Variants in TIAM1 observed in about 807,000 individuals in gnomAD.
TIAM1 encodes the protein TIAM Rac1 associated GEF 1, also known as rho guanine nucleotide exchange factor TIAM1.
In TIAM1, 65 loss-of-function variants were observed where a neutral mutation model predicts 163.5. That is an observed-to-expected ratio of 0.40 (90% CI 0.33 to 0.49). The LOEUF (loss-of-function observed/expected upper bound fraction) is 0.49. TIAM1 is among the 20% of genes least tolerant of loss of function. The pLI, the probability that TIAM1 is intolerant of heterozygous loss-of-function variation, is 0.77. For missense variants in TIAM1, 1,789 were observed against 2,044.7 expected (o/e 0.87, Z 2.41); for synonymous variants, 833 against 810.1 (o/e 1.03, Z -0.48).
intron 26 of TIAM1, among the ~76,000 whole-genome samples, chr21:31,125,891 A>G (rs1046081441): frequency 1.3e-5 from 2 of 152,218 alleles, no homozygotes; most frequent in African/African-American, 4.8e-5. Context: ...TTCATTCTCT[A>G]TAAGGCCTTA....
chr21:31,125,780 G>T (rs1292478662), intron 26 of TIAM1, among the ~76,000 whole-genome samples: 1 of 152,144 alleles, frequency 6.6e-6, no homozygotes, highest in East Asian at 1.9e-4. Context: ...TTGCCATGTT[G>T]GCCAGGCTGG....
At chr21:31,185,642 TA>T (rs1009050817) in intron 14 of TIAM1, among the ~76,000 whole-genome samples, 5 of 145,814 alleles carry the variant, frequency 3.4e-5, no homozygotes, top group Non-Finnish European at 6.0e-5. Flanking sequence ...CATTATATGA[TA>T]ATTATATTAT....
intron 2 of TIAM1, among the ~76,000 whole-genome samples, chr21:31,304,448 A>C (rs1266874254): frequency 6.6e-6 from 1 of 152,190 alleles, no homozygotes; most frequent in Non-Finnish European, 1.5e-5. Context: ...CTATCAGGAA[A>C]AGCTGCTTTT....
chr21:31,305,342 GC>G (rs1427202202), intron 2 of TIAM1, among the ~76,000 whole-genome samples: 1 of 151,906 alleles, frequency 6.6e-6, no homozygotes, highest in Non-Finnish European at 1.5e-5. Flanking sequence ...GGCCAAAAAG[GC>G]TGGATCTCAG....
chr21:31,407,695 G>A (rs1602205667), intron 2 of TIAM1, among the ~76,000 whole-genome samples: 1 of 145,340 alleles, frequency 6.9e-6, no homozygotes, highest in South Asian at 2.2e-4. Flanking sequence ...GAGTGCAGTG[G>A]TGCAATCTTG....
chr21:31,391,902 G>A (rs1328105088), intron 2 of TIAM1, among the ~76,000 whole-genome samples: 1 of 152,140 alleles, frequency 6.6e-6, no homozygotes, highest in South Asian at 2.1e-4. Flanking sequence ...TGGCACAAAA[G>A]CAATAAGCAT....
Position 31,266,363 on chromosome 21 carries a change from C to T in TIAM1, c.610G>A (p.Glu204Lys), listed in dbSNP as rs113219144. 2,368 of 1,614,240 alleles carry T rather than the reference C, an allele frequency of 1.5e-3. 4 individuals carry two copies. Among genetic ancestry groups the T allele is most frequent in the Non-Finnish European group, 1.8e-3 (2,137 of 1,180,052 alleles). The change falls in exon 4 of 28, where the codon GAA (glutamate) becomes AAA (lysine). Residue 204 changes from glutamate (E) to lysine (K), a missense_variant. Physicochemically the swap from Glu to Lys is moderately conservative, Grantham distance 56 (BLOSUM62 1). This residue lies in a region of TIAM1 where 555 missense variants were observed against 564.9 expected (regional missense o/e 0.98). Transcript: ENST00000541036. ...CGAGCCTCCTCGCAGTCCTTCTCTT[C>T]GGCGGAACCCAAGATTTCTTCGTTG... ...TSNEEILGSA[E>K]EKDCEEARGM...
chr21:31,285,427 C>T (rs2073765777), intron 2 of TIAM1, among the ~76,000 whole-genome samples: 1 of 152,184 alleles, frequency 6.6e-6, no homozygotes, highest in South Asian at 2.1e-4. Context: ...CCTTGTTGTC[C>T]CTGGATGCTT....
chr21:31,212,638 A>C, intron 10 of TIAM1: 1 of 120,162 alleles, frequency 8.3e-6, no homozygotes, highest in South Asian at 2.9e-4. Flanking sequence ...TTTGAGAGAG[A>C]GTCTTGCTCG....
chr21:31,130,001 A>C (rs1488692500), intron 25 of TIAM1, among the ~76,000 whole-genome samples: 1 of 151,994 alleles, frequency 6.6e-6, no homozygotes, highest in Non-Finnish European at 1.5e-5. Flanking sequence ...TCATTCATTC[A>C]CTTGGTTCAT....
intron 1 of TIAM1, among the ~76,000 whole-genome samples, chr21:31,517,577 G>A (rs1205298040): frequency 2.0e-5 from 3 of 152,104 alleles, no homozygotes; most frequent in Admixed American, 6.6e-5. Flanking sequence ...TGACCACAGC[G>A]GCAGAGATGG....
chr21:31,228,356 T>C (rs1051151576), intron 6 of TIAM1, among the ~76,000 whole-genome samples: 2 of 147,816 alleles, frequency 1.4e-5, no homozygotes, highest in Non-Finnish European at 3.0e-5. Context: ...GGCTGGAAAG[T>C]AAACTTGTAC....
rs984434983 is a variant in TIAM1, at chr21:31,187,184, T to A, written c.2576-97A>T. ...TGCTGTGAACTAGGTATGTTTCATG[T>A]TTGTCATTATAGTTTGGACTGATTG... On this transcript the variant is annotated intron_variant, in intron 13 of 27. Coordinates refer to ENST00000541036, the MANE Select transcript of TIAM1 (RefSeq NM_001353694.2). The A allele has an allele frequency of 7.2e-6, 8 of 1,116,530 alleles. No homozygotes were observed. The African/African-American group carries it at 1.2e-4, about 17-fold the overall frequency. 69.2% of individuals were successfully genotyped at this position (1,116,530 alleles called of 1,614,324 possible). A position where few individuals can be genotyped will look rare whatever the true frequency, so the allele number is the denominator to read the frequency against.
rs552646739 is a variant in TIAM1 at position 31,134,573 on chromosome 21, C to T, written c.3883+1360G>A. Among the ~76,000 whole-genome samples the T allele has an allele frequency of 7.2e-5, 11 of 152,230 alleles. No homozygotes were observed. In the East Asian group the frequency reaches 7.7e-4, roughly 11 times the overall value. The stretch of plus-strand genomic sequence containing the variant: ...TCACCCAGGCTGGAGTCCAGTGGAA[C>T]GATCTCAGCTCACTACAACCTCTGC... On this transcript the variant is annotated intron_variant, in intron 23 of 27. Coordinates refer to ENST00000541036, the MANE Select transcript of TIAM1 (RefSeq NM_001353694.2).
rs576906166 is a variant in TIAM1, at chr21:31,307,038, G to A, written c.-188-30130C>T. Among the ~76,000 whole-genome samples, 266 of 141,530 alleles carry A rather than the reference G, an allele frequency of 1.9e-3. 2 individuals are homozygous for A. The highest frequency in any genetic ancestry group is 3.3e-3 in the Non-Finnish European group (215 of 65,424). The allele number at this position is 141,530 out of a possible 152,430, so 92.8% of individuals were successfully genotyped here. A position where few individuals can be genotyped will look rare whatever the true frequency, so the allele number is the denominator to read the frequency against. ...GCATCGCCAACTTTTCTAGAAGTTT[G>A]TGTCAATTTCAAAACAAAAACAAAA... On this transcript the variant is annotated intron_variant, in intron 2 of 27. Transcript: ENST00000541036.
At chr21:31,378,578 G>A (rs140693746) in intron 2 of TIAM1, among the ~76,000 whole-genome samples, 1 of 152,234 alleles carries the variant, frequency 6.6e-6, no homozygotes, top group East Asian at 1.9e-4. Context: ...GGGCATTTTA[G>A]TATCTTAACC....
chr21:31,182,840 G>A (rs1402932615), intron 14 of TIAM1, among the ~76,000 whole-genome samples, 195 bp from the exon 15 acceptor site: 1 of 152,198 alleles, frequency 6.6e-6, no homozygotes, highest in Non-Finnish European at 1.5e-5. Context: ...AGATTTGCAG[G>A]TTACAACATG....
intron 1 of TIAM1, among the ~76,000 whole-genome samples, chr21:31,488,241 A>G (rs558052116): frequency 6.6e-6 from 1 of 152,286 alleles, no homozygotes; most frequent in East Asian, 1.9e-4. Context: ...GAGCTTTACA[A>G]TTGGTCCTCA....
At chr21:31,219,581 G>A (rs2087428815) in intron 8 of TIAM1, among the ~76,000 whole-genome samples, 1 of 152,178 alleles carries the variant, frequency 6.6e-6, no homozygotes, top group African/African-American at 2.4e-5. Context: ...AAGCCCCACG[G>A]GTGGCAGGGA....
Sources: allele counts gnomAD v4.1 joint callset (sites outside exome capture counted in the v4.1 genomes callset), GRCh38; gene constraint gnomAD v4.1.1; regional missense constraint gnomAD v4.1.1; transcripts MANE v1.5; gene names NCBI Gene and HGNC (gene_info 2026-07-23, HGNC 2026-07-21).